The following KDM2B variants were observed in gnomAD, a reference collection of about 807,000 sequenced individuals.
KDM2B encodes the protein lysine demethylase 2B, also known as lysine-specific demethylase 2B.
In KDM2B, 26 loss-of-function variants were observed where a neutral mutation model predicts 150.0. The observed-to-expected ratio is 0.17, with a 90% CI of 0.13 to 0.24. KDM2B has a LOEUF of 0.24. Among genes scored for constraint, KDM2B ranks in the 10% least tolerant of loss-of-function variants. The probability of loss-of-function intolerance (pLI) is 1.00; values close to 1 mark genes in which losing one functional copy is unlikely to be tolerated. For missense variants in KDM2B, 1,265 were observed against 1,816.9 expected (o/e 0.70, Z 5.52); for synonymous variants, 734 against 729.5 (o/e 1.01, Z -0.10).
At chr12:121,496,266 C>T (rs782567005) in intron 11 of KDM2B, among the ~76,000 whole-genome samples, 1 of 152,100 alleles carries the variant, frequency 6.6e-6, no homozygotes, top group Non-Finnish European at 1.5e-5. Context: ...TAAGCACACA[C>T]AGAACTATCA....
chr12:121,528,786 G>A (rs1887381141), intron 8 of KDM2B, among the ~76,000 whole-genome samples: 1 of 151,936 alleles, frequency 6.6e-6, no homozygotes, highest in African/African-American at 2.4e-5. Context: ...CCAGCTACTT[G>A]GGAGGCTGAG....
At chr12:121,456,351 C>T (rs561168974) in intron 12 of KDM2B, among the ~76,000 whole-genome samples, 2 of 152,322 alleles carry the variant, frequency 1.3e-5, no homozygotes, top group Admixed American at 6.5e-5. Context: ...AATCCAAAAA[C>T]GTTTCTCCCT....
intron 22 of KDM2B, among the ~76,000 whole-genome samples, chr12:121,434,576 A>G (rs552547260): frequency 7.9e-5 from 12 of 152,196 alleles, no homozygotes; most frequent in African/African-American, 2.9e-4. Flanking sequence ...ATTTTTGAAA[A>G]GGGTGCTGCC....
At chr12:121,475,079 T>C (rs564203803) in intron 12 of KDM2B, among the ~76,000 whole-genome samples, 2 of 152,256 alleles carry the variant, frequency 1.3e-5, no homozygotes, top group Admixed American at 1.3e-4. Context: ...CCCAGGTGTG[T>C]AGAGGGCTAT....
Position 121,467,367 on chromosome 12 carries a change from C to G in KDM2B, c.1735-14023G>C. 2 of 981,188 alleles carry G rather than the reference C, an allele frequency of 2.0e-6. No individual in the cohort carries two copies. The highest frequency in any genetic ancestry group is 1.0e-3 in the Middle Eastern group (2 of 1,916). The allele number at this position is 981,188 out of a possible 1,614,324, so 60.8% of individuals were successfully genotyped here. On this transcript the variant is annotated intron_variant, in intron 12 of 22. Coordinates refer to ENST00000377071, the MANE Select transcript of KDM2B (RefSeq NM_032590.5). This position sits in a 1 kb window ranked among gnomAD's most constrained non-coding sequence, Gnocchi z 5.1. ...GGAGGGAGCCGCGCCGCGCGCCTCGCACGCCCGCGCTGGAGGGGGCGGGGA... is the reference window on the plus strand; with the variant it reads ...GGAGGGAGCCGCGCCGCGCGCCTCGGACGCCCGCGCTGGAGGGGGCGGGGA...
At chr12:121,422,912 C>T in the KDM2B span, among the ~76,000 whole-genome samples, 3 of 141,840 alleles carry the variant, frequency 2.1e-5, no homozygotes, top group African/African-American at 9.0e-5. Flanking sequence ...CCTAACTTTC[C>T]TAAGGGGGAA....
intron 6 of KDM2B, among the ~76,000 whole-genome samples, chr12:121,546,623 T>C (rs1889076765): frequency 6.6e-6 from 1 of 151,654 alleles, no homozygotes; most frequent in African/African-American, 2.4e-5. Flanking sequence ...CAGGATGGTC[T>C]CGATCTCCTG....
rs1887798110 is a variant in KDM2B, at chr12:121,533,072, T to TG, written c.778-114dup. ...GGGGCGAGACAAGCTGTGTGTGGGG[T>TG]GGGGGGTGTGGAGAGATGGCAGATC... On this transcript the variant is annotated intron_variant, in intron 7 of 22. Transcript: ENST00000377071. This position sits in a 1 kb window ranked among gnomAD's most constrained non-coding sequence, Gnocchi z 4.1. The TG allele has an allele frequency of 1.9e-6, 2 of 1,028,026 alleles. No homozygotes were observed. Among genetic ancestry groups the TG allele is most frequent in the Admixed American group, 2.1e-5 (1 of 46,640 alleles). The allele number at this position is 1,028,026 out of a possible 1,614,324, so 63.7% of individuals were successfully genotyped here.
intron 12 of KDM2B, among the ~76,000 whole-genome samples, chr12:121,478,016 T>A (rs1555297109): frequency 6.6e-6 from 1 of 152,082 alleles, no homozygotes; most frequent in East Asian, 1.9e-4. Context: ...GTGTTGGGAT[T>A]ACAGGCGTGA....
chr12:121,536,432 G>A (rs1490518643), intron 6 of KDM2B, among the ~76,000 whole-genome samples: 2 of 152,216 alleles, frequency 1.3e-5, no homozygotes, highest in African/African-American at 4.8e-5. Flanking sequence ...AGCTGGCAAT[G>A]GGGTGGTCAA....
downstream of KDM2B, among the ~76,000 whole-genome samples, chr12:121,428,478 T>G (rs1872622976): frequency 6.7e-6 from 1 of 149,618 alleles, no homozygotes; most frequent in South Asian, 2.2e-4. Flanking sequence ...CCTTGTCTCA[T>G]TTTAATTAAA....
chr12:121,411,210 G>A, the KDM2B span, among the ~76,000 whole-genome samples: 1 of 152,156 alleles, frequency 6.6e-6, no homozygotes, highest in Non-Finnish European at 1.5e-5. Context: ...TTACAGGTGT[G>A]AGCCACCATT....
At chr12:121,424,559 C>G (rs1327264045), downstream of KDM2B, among the ~76,000 whole-genome samples, 1 of 151,870 alleles carries the variant, frequency 6.6e-6, no homozygotes, top group Admixed American at 6.6e-5. Flanking sequence ...TGGCGAAACC[C>G]TGTCTTTGGA....
intron 1 of KDM2B, chr12:121,580,332 T>C: frequency 4.1e-6 from 4 of 964,962 alleles, no homozygotes; most frequent in Non-Finnish European, 4.9e-6. Context: ...GCGGCCGGGC[T>C]ATTTGGGGGG....
chr12:121,534,363 AG>A, intron 7 of KDM2B, 133 bp downstream of exon 7: 6 of 635,830 alleles, frequency 9.4e-6, no homozygotes, highest in South Asian at 5.8e-5. Context: ...AAAAAAAAAA[AG>A]AGTAATCCTT....
chr12:121,581,206 GAAAGAC>G, upstream of KDM2B: 1 of 312,556 alleles, frequency 3.2e-6, no homozygotes, highest in Non-Finnish European at 5.9e-6. Flanking sequence ...GCTCAGGAGC[GAAAGAC>G]GCAGAGAATT....
chr12:121,476,994 T>C (rs1881457394), intron 12 of KDM2B, among the ~76,000 whole-genome samples: 1 of 152,212 alleles, frequency 6.6e-6, no homozygotes, highest in Non-Finnish European at 1.5e-5. Context: ...AAGGAAAAGC[T>C]CTGCCAAACA....
intron 12 of KDM2B, among the ~76,000 whole-genome samples, chr12:121,466,655 T>C (rs1489623968): frequency 6.7e-6 from 1 of 150,084 alleles, no homozygotes; most frequent in Non-Finnish European, 1.5e-5. Flanking sequence ...GCTCGGGCCG[T>C]CGGGCCCACG....
chr12:121,427,732 G>A (rs1872578979), downstream of KDM2B, among the ~76,000 whole-genome samples: 2 of 152,072 alleles, frequency 1.3e-5, no homozygotes, highest in African/African-American at 4.8e-5. Flanking sequence ...CCCAGCCCTG[G>A]CAGCCCCTCC....
Sources: allele counts gnomAD v4.1 joint callset (sites outside exome capture counted in the v4.1 genomes callset), GRCh38; gene constraint gnomAD v4.1.1; non-coding constraint Gnocchi (gnomAD v3.1); transcripts MANE v1.5; gene names NCBI Gene and HGNC (gene_info 2026-07-23, HGNC 2026-07-21).